KLHL24: variants seen among roughly 807,000 people sequenced by gnomAD.
KLHL24 encodes the protein kelch like family member 24.
Under a neutral mutation model 53.4 loss-of-function variants are expected in KLHL24, and 29 were observed. The observed-to-expected ratio is 0.54, with a 90% CI of 0.40 to 0.74. The LOEUF (loss-of-function observed/expected upper bound fraction) is 0.74, where lower values mean the gene tolerates loss of function less well. KLHL24 is among the 30% of genes least tolerant of loss of function. KLHL24 has a pLI of 0.00. For missense variants in KLHL24, 504 were observed against 744.0 expected (o/e 0.68, Z 3.75); for synonymous variants, 222 against 253.7 (o/e 0.88, Z 1.19).
rs1720030984 is a variant in KLHL24, at chr3:183,663,084, T to G, written c.921-374T>G. On this transcript the variant is annotated intron_variant, in intron 3 of 7. Coordinates refer to ENST00000242810, the MANE Select transcript of KLHL24 (RefSeq NM_017644.3). This position sits in a 1 kb window ranked among gnomAD's most constrained non-coding sequence, Gnocchi z 4.9. The stretch of plus-strand genomic sequence containing the variant: ...CCATTTTCCTACAGTTAGAAAAAAA[T>G]GCATTATCTTACCTTGTGTGGTTAT... Among the ~76,000 whole-genome samples, 1 of 152,206 alleles carries G rather than the reference T, an allele frequency of 6.6e-6. No homozygotes were observed. Among genetic ancestry groups the G allele is most frequent in the South Asian group, 2.1e-4 (1 of 4,836 alleles).
intron 5 of KLHL24, among the ~76,000 whole-genome samples, chr3:183,666,935 T>A (rs1369328869): frequency 6.6e-6 from 1 of 152,130 alleles, no homozygotes; most frequent in Non-Finnish European, 1.5e-5. Context: ...CTTTCGCATA[T>A]GTCTTTGACT....
At chr3:183,646,336 T>C (rs1325307414) in intron 2 of KLHL24, among the ~76,000 whole-genome samples, 1 of 121,526 alleles carries the variant, frequency 8.2e-6, no homozygotes, top group Admixed American at 1.1e-4. Flanking sequence ...CACTCCAGCC[T>C]GGGTGACAGA....
chr3:183,674,771 T>G (rs1023766577), intron 7 of KLHL24, among the ~76,000 whole-genome samples: 1 of 152,324 alleles, frequency 6.6e-6, no homozygotes, highest in East Asian at 1.9e-4. Context: ...TGACCTTCAT[T>G]TGACCTTTCA....
At chr3:183,666,996 A>G (rs1720660450) in intron 5 of KLHL24, among the ~76,000 whole-genome samples, 1 of 152,156 alleles carries the variant, frequency 6.6e-6, no homozygotes, top group African/African-American at 2.4e-5. Flanking sequence ...AGGCCCTCCT[A>G]TGGAGACAGT....
At chr3:183,673,508 ATC>A (rs1017612956) in intron 7 of KLHL24, among the ~76,000 whole-genome samples, 1 of 152,040 alleles carries the variant, frequency 6.6e-6, no homozygotes, top group Admixed American at 6.6e-5. Flanking sequence ...AGGCTGGGAA[ATC>A]TGTTATTTCT....
intron 3 of KLHL24, among the ~76,000 whole-genome samples, chr3:183,655,100 C>T (rs1718662172): frequency 6.6e-6 from 1 of 152,112 alleles, no homozygotes; most frequent in African/African-American, 2.4e-5. Flanking sequence ...CAAGTATTGT[C>T]CAGAGCTCAA....
rs1437764510 is a variant in KLHL24, at chr3:183,682,106, G to A, written c.*2820G>A. ...AAAGTACATGATGAGTATTAGTAAC[G>A]ATGACTTATGTATAATCAGAATCTT... is the stretch of plus-strand genomic sequence containing the variant. On this transcript the variant is annotated 3_prime_UTR_variant, in exon 8 of 8. Transcript: ENST00000242810. 2 of 152,096 alleles carry A rather than the reference G, an allele frequency of 1.3e-5. No homozygotes were observed. The highest frequency in any genetic ancestry group is 1.9e-4 in the East Asian group (1 of 5,184). The allele number at this position is 152,096 out of a possible 1,614,324, so 9.4% of individuals were successfully genotyped here.
At chr3:183,659,335 G>A (rs546529009) in intron 3 of KLHL24, among the ~76,000 whole-genome samples, 165 of 152,196 alleles carry the variant, frequency 1.1e-3, no homozygotes, top group African/African-American at 3.7e-3. Context: ...TCAGGAGTTC[G>A]AGACCAGCCT....
At chr3:183,670,933 C>A in intron 5 of KLHL24, 101 bp from the exon 6 acceptor site, 1 of 778,056 alleles carries the variant, frequency 1.3e-6, no homozygotes, top group Non-Finnish European at 2.1e-6. Context: ...ATTTATTTAG[C>A]AAGGGCATTT....
chr3:183,642,299 G>A lies in KLHL24; in HGVS notation c.-124-1181G>A, dbSNP rs528614884. Reference sequence around the variant, plus strand: ...CTAGTTGCAATATTTTTTTACCAAGGGTACATACAAGTCAGGTTCACTTCT... The same window carrying A: ...CTAGTTGCAATATTTTTTTACCAAGAGTACATACAAGTCAGGTTCACTTCT... On this transcript the variant is annotated intron_variant, in intron 1 of 7. Transcript: ENST00000242810. 3.9e-5 allele frequency among the ~76,000 whole-genome samples: 6 copies of A among 152,040 alleles called. No homozygotes were observed. In the East Asian group the frequency reaches 7.7e-4, roughly 20 times the overall value.
At chr3:183,662,839 TGTA>T (rs1719997108) in intron 3 of KLHL24, among the ~76,000 whole-genome samples, 1 of 152,220 alleles carries the variant, frequency 6.6e-6, no homozygotes, top group Non-Finnish European at 1.5e-5. Flanking sequence ...ATATGCCTAA[TGTA>T]CAGTTTTTCA....
At position 183,680,271 on chromosome 3, in the gene KLHL24, A is replaced by G. The variant is rs2108910077; in HGVS notation, c.*985A>G. 6.6e-6 allele frequency: 1 copy of G among 152,350 alleles called. No homozygotes were observed. The highest frequency in any genetic ancestry group is 1.5e-5 in the Non-Finnish European group (1 of 68,070). 9.4% of individuals were successfully genotyped at this position (152,350 alleles called of 1,614,324 possible). Reference sequence around the variant, plus strand: ...ACGCACACGGCACCCTAGCCTGGGCAACAGGTTGCGACACTGTCTCAAGAG... The same window carrying G: ...ACGCACACGGCACCCTAGCCTGGGCGACAGGTTGCGACACTGTCTCAAGAG... On this transcript the variant is annotated 3_prime_UTR_variant, in exon 8 of 8. Coordinates refer to ENST00000242810, the MANE Select transcript of KLHL24 (RefSeq NM_017644.3).
Position 183,671,079 on chromosome 3 carries a change from G to T in KLHL24, c.1270G>T (p.Val424Leu). 6.2e-7 allele frequency: 1 copy of T among 1,613,942 alleles called. No homozygotes were observed. Among genetic ancestry groups the T allele is most frequent in the Non-Finnish European group, 8.5e-7 (1 of 1,179,916 alleles). The change falls in exon 6 of 8, where the codon GTA (valine) becomes TTA (leucine). Residue 424 changes from valine to leucine, a missense_variant. Transcript: ENST00000242810. The stretch of plus-strand genomic sequence containing the variant: ...TGATGGGCAAAACAGACTTAGCAGC[G>T]TAGAATGTTATGATTCCTTTTCAAA... ...GYDGQNRLSS[V>L]ECYDSFSNRW...
At chr3:183,669,025 A>G (rs1185113394) in intron 5 of KLHL24, among the ~76,000 whole-genome samples, 6 of 152,222 alleles carry the variant, frequency 3.9e-5, no homozygotes, top group Non-Finnish European at 7.3e-5. Flanking sequence ...TACACAAAAA[A>G]TGATAAAGCA....
chr3:183,654,352 A>T (rs1213822396), intron 3 of KLHL24, among the ~76,000 whole-genome samples: 1 of 152,006 alleles, frequency 6.6e-6, no homozygotes, highest in Admixed American at 6.6e-5. Context: ...TGCCTAGGTG[A>T]CCTTATCTCA....
intron 7 of KLHL24, among the ~76,000 whole-genome samples, chr3:183,673,718 T>C (rs1721683510): frequency 6.6e-6 from 1 of 152,214 alleles, no homozygotes; most frequent in Non-Finnish European, 1.5e-5. Flanking sequence ...TCTAGAGATG[T>C]ACTCTCAAAG....
chr3:183,656,081 CTG>C (rs1718848768), intron 3 of KLHL24, among the ~76,000 whole-genome samples: 1 of 112,244 alleles, frequency 8.9e-6, no homozygotes, highest in Non-Finnish European at 1.7e-5. Flanking sequence ...GGGTCTCACT[CTG>C]TTACTCAGAC....
At position 183,650,463 on chromosome 3, in the gene KLHL24, G is replaced by C. The variant is rs1183900992; in HGVS notation, c.107G>C (p.Gly36Ala). ...GAAATGGACCCCAAATCTCTGACAG[G>C]TCATGAGTTTTTTGACTTCTCTTCA... is the stretch of plus-strand genomic sequence containing the variant. ...VFEMDPKSLT[G>A]HEFFDFSSGS... The change falls in exon 3 of 8, where the codon GGT becomes GCT. Residue 36 changes from glycine (G) to alanine (A), a missense_variant. Transcript: ENST00000242810. This position sits in a 1 kb window ranked among gnomAD's most constrained non-coding sequence, Gnocchi z 4.5. The C allele has an allele frequency of 1.9e-6, 3 of 1,613,942 alleles. No homozygotes were observed. Among genetic ancestry groups the C allele is most frequent in the Non-Finnish European group, 2.5e-6 (3 of 1,179,996 alleles).
chr3:183,655,897 C>T (rs1405464269), intron 3 of KLHL24, among the ~76,000 whole-genome samples: 1 of 151,852 alleles, frequency 6.6e-6, no homozygotes, highest in Non-Finnish European at 1.5e-5. Flanking sequence ...CGCCACTGTA[C>T]TCCAGCCTGG....
Sources: allele counts gnomAD v4.1 joint callset (sites outside exome capture counted in the v4.1 genomes callset), GRCh38; gene constraint gnomAD v4.1.1; non-coding constraint Gnocchi (gnomAD v3.1); transcripts MANE v1.5; gene names NCBI Gene and HGNC (gene_info 2026-07-23, HGNC 2026-07-21).